GAREM1: variants seen among roughly 807,000 people sequenced by gnomAD.
The protein encoded by GAREM1 is GRB2 associated regulator of MAPK1 subtype 1.
Under a neutral mutation model 71.3 loss-of-function variants are expected in GAREM1, and 26 were observed. That is an observed-to-expected ratio of 0.36 (90% CI 0.27 to 0.51). The LOEUF is 0.51. Ranked by LOEUF, GAREM1 falls within the 20% of genes least tolerant of loss-of-function variation. The probability of loss-of-function intolerance (pLI) is 0.95; values close to 1 mark genes in which losing one functional copy is unlikely to be tolerated. For synonymous variants in GAREM1, 440 were observed against 433.2 expected, an observed-to-expected ratio of 1.02 and a Z score of -0.20; for missense variants, 1,026 against 1,103.1, an observed-to-expected ratio of 0.93 and a Z score of 0.99.
At chr18:32,282,825 C>A (rs1201655788) in intron 4 of GAREM1, among the ~76,000 whole-genome samples, 1 of 152,178 alleles carries the variant, frequency 6.6e-6, no homozygotes, top group Non-Finnish European at 1.5e-5. Flanking sequence ...GCATTGCTCT[C>A]CAAAATGGCA....
At chr18:32,331,436 C>T (rs2047534216) in intron 2 of GAREM1, 1 of 152,196 alleles carries the variant, frequency 6.6e-6, no homozygotes, top group African/African-American at 2.4e-5. Flanking sequence ...TATGTAAAAA[C>T]ACATATGTGG....
intron 2 of GAREM1, among the ~76,000 whole-genome samples, chr18:32,388,120 A>G (rs1307971282): frequency 6.6e-6 from 1 of 152,224 alleles, no homozygotes; most frequent in African/African-American, 2.4e-5. Context: ...TCACAGAGAC[A>G]CAGGTGCCAG....
intron 2 of GAREM1, among the ~76,000 whole-genome samples, chr18:32,361,085 C>T (rs1370359498): frequency 1.3e-5 from 2 of 152,164 alleles, no homozygotes; most frequent in African/African-American, 2.4e-5. Flanking sequence ...CACATGAAAA[C>T]GAAGCACAGT....
At chr18:32,468,325 G>T (rs1291451974) in intron 1 of GAREM1, among the ~76,000 whole-genome samples, 1 of 152,198 alleles carries the variant, frequency 6.6e-6, no homozygotes, top group African/African-American at 2.4e-5. Context: ...CTCTTTGGCA[G>T]CTATTAAAAA....
intron 2 of GAREM1, among the ~76,000 whole-genome samples, chr18:32,351,492 G>A (rs1022348713): frequency 6.6e-6 from 1 of 151,966 alleles, no homozygotes; most frequent in South Asian, 2.1e-4. Flanking sequence ...CACATTCAAG[G>A]GCCTGTGTGA....
At chr18:32,430,265 T>C (rs1020372430) in intron 1 of GAREM1, among the ~76,000 whole-genome samples, 1 of 152,152 alleles carries the variant, frequency 6.6e-6, no homozygotes, top group Non-Finnish European at 1.5e-5. Flanking sequence ...ATCAACTATA[T>C]TACAAATGAA....
chr18:32,389,882 A>T (rs1469741184), intron 2 of GAREM1, among the ~76,000 whole-genome samples: 1 of 152,158 alleles, frequency 6.6e-6, no homozygotes, highest in Non-Finnish European at 1.5e-5. Flanking sequence ...TAATCAAAAC[A>T]TACTCCCAGG....
At chr18:32,324,115 C>T (rs909342341) in intron 2 of GAREM1, among the ~76,000 whole-genome samples, 1 of 152,146 alleles carries the variant, frequency 6.6e-6, no homozygotes. Flanking sequence ...CCTAAAGCTA[C>T]GCTGCCACCG....
rs561593887 is a variant in GAREM1 at position 32,396,825 on chromosome 18, G to A, written c.122-3790C>T. Among the ~76,000 whole-genome samples the A allele has an allele frequency of 9.2e-5, 14 of 152,152 alleles. No homozygotes were observed. In the South Asian group the frequency reaches 1.0e-3, roughly 11 times the overall value. On this transcript the variant is annotated intron_variant, in intron 1 of 5. Transcript: ENST00000269209. ...AGAGAATGCCACAAAGATACTCCTC[G>A]AGAAGAGCAACTCCAAGACACATAA...
intron 1 of GAREM1, among the ~76,000 whole-genome samples, chr18:32,463,717 A>C (rs944224926): frequency 2.6e-5 from 4 of 151,754 alleles, no homozygotes; most frequent in Admixed American, 2.0e-4. Flanking sequence ...CTACAGGCAC[A>C]TGCCACCACA....
intron 2 of GAREM1, among the ~76,000 whole-genome samples, chr18:32,331,196 C>T (rs918550172): frequency 2.0e-5 from 3 of 151,974 alleles, no homozygotes; most frequent in Non-Finnish European, 2.9e-5. Context: ...CTTAAAAACC[C>T]GACAAAAAAT....
At chr18:32,305,716 C>T (rs372528764) in intron 3 of GAREM1, among the ~76,000 whole-genome samples, 8 of 152,268 alleles carry the variant, frequency 5.3e-5, no homozygotes, top group Admixed American at 1.3e-4. Flanking sequence ...GACGGGGTTT[C>T]GCCACATTGG....
At chr18:32,343,573 T>C (rs2047668292) in intron 2 of GAREM1, among the ~76,000 whole-genome samples, 1 of 152,126 alleles carries the variant, frequency 6.6e-6, no homozygotes, top group South Asian at 2.1e-4. Flanking sequence ...AGTGCTGGAA[T>C]TACAGGCATA....
At chr18:32,274,749 C>G (rs1022310436) in intron 4 of GAREM1, among the ~76,000 whole-genome samples, 32 of 152,132 alleles carry the variant, frequency 2.1e-4, no homozygotes, top group Non-Finnish European at 4.4e-4. Context: ...AACACCAGTT[C>G]CTGTGGGCCA....
chr18:32,281,439 G>A (rs570797746), intron 4 of GAREM1, among the ~76,000 whole-genome samples: 3 of 152,122 alleles, frequency 2.0e-5, no homozygotes, highest in East Asian at 3.9e-4. Context: ...ATGAACTTCC[G>A]GCCTTCTAAC....
chr18:32,389,883 T>C (rs1247358110), intron 2 of GAREM1, among the ~76,000 whole-genome samples: 1 of 152,128 alleles, frequency 6.6e-6, no homozygotes. Flanking sequence ...AATCAAAACA[T>C]ACTCCCAGGC....
chr18:32,450,551 C>A (rs957517948), intron 1 of GAREM1, among the ~76,000 whole-genome samples: 3 of 152,202 alleles, frequency 2.0e-5, no homozygotes, highest in African/African-American at 7.2e-5. Context: ...TGATTTATGA[C>A]CATTACATTG....
At chr18:32,360,565 G>T (rs929647879) in intron 2 of GAREM1, among the ~76,000 whole-genome samples, 3 of 152,072 alleles carry the variant, frequency 2.0e-5, no homozygotes, top group Admixed American at 6.5e-5. Flanking sequence ...TCTTTTTTGG[G>T]GGGGTGGGGA....
At chr18:32,433,188 T>G (rs1452876060) in intron 1 of GAREM1, among the ~76,000 whole-genome samples, 2 of 151,334 alleles carry the variant, frequency 1.3e-5, no homozygotes, top group East Asian at 3.9e-4. Context: ...ATCGTATCAA[T>G]TGATGTAGAA....
Sources: allele counts gnomAD v4.1 joint callset (sites outside exome capture counted in the v4.1 genomes callset), GRCh38; gene constraint gnomAD v4.1.1; transcripts MANE v1.5; gene names NCBI Gene and HGNC (gene_info 2026-07-23, HGNC 2026-07-21).